NKAIN3: variants seen among roughly 807,000 people sequenced by gnomAD.
NKAIN3 encodes sodium/potassium transporting ATPase interacting 3, also known as sodium/potassium-transporting ATPase subunit beta-1-interacting protein 3.
NKAIN3 carries 25 observed loss-of-function variants against 30.2 expected under a neutral mutation model. That is an observed-to-expected ratio of 0.83 (90% CI 0.60 to 1.16). NKAIN3 has a LOEUF of 1.16. NKAIN3 is among the 50% of genes most tolerant of loss of function. NKAIN3 has a pLI of 0.00. For synonymous variants in NKAIN3, 91 were observed against 89.6 expected, an observed-to-expected ratio of 1.02 and a Z score of -0.09; for missense variants, 225 against 254.1, an observed-to-expected ratio of 0.89 and a Z score of 0.78.
At chr8:62,430,552 C>T (rs967590198) in intron 1 of NKAIN3, among the ~76,000 whole-genome samples, 2 of 151,740 alleles carry the variant, frequency 1.3e-5, no homozygotes, top group Non-Finnish European at 2.9e-5. Flanking sequence ...TTTGCATTCT[C>T]ACCAGTAGTG....
At chr8:62,447,710 C>T (rs1805526933) in intron 1 of NKAIN3, among the ~76,000 whole-genome samples, 1 of 152,034 alleles carries the variant, frequency 6.6e-6, no homozygotes, top group Non-Finnish European at 1.5e-5. Context: ...AGCAGAAATT[C>T]AGACATTCTG....
At chr8:62,841,471 C>T (rs768195819) in intron 4 of NKAIN3, among the ~76,000 whole-genome samples, 1 of 152,080 alleles carries the variant, frequency 6.6e-6, no homozygotes, top group Non-Finnish European at 1.5e-5. Flanking sequence ...TCTCACTCCT[C>T]CCCACCCAAG....
intron 4 of NKAIN3, among the ~76,000 whole-genome samples, chr8:62,805,341 C>G (rs1432368740): frequency 6.6e-6 from 1 of 151,686 alleles, no homozygotes; most frequent in African/African-American, 2.4e-5. Context: ...CCCGCATTGC[C>G]AAGTCAATCC....
intron 4 of NKAIN3, among the ~76,000 whole-genome samples, chr8:62,772,176 G>C (rs1817034613): frequency 6.6e-6 from 1 of 152,068 alleles, no homozygotes; most frequent in Admixed American, 6.5e-5. Flanking sequence ...GTCTTCCTGT[G>C]CCTGGCTTGT....
intron 1 of NKAIN3, among the ~76,000 whole-genome samples, chr8:62,288,476 G>C (rs925262114): frequency 2.6e-5 from 4 of 152,238 alleles, no homozygotes; most frequent in African/African-American, 9.6e-5. Context: ...CCACCTATGA[G>C]TGAGAACACG....
intron 1 of NKAIN3, among the ~76,000 whole-genome samples, chr8:62,265,478 AGTAAACATCTATAGACAC>A (rs1420709063): frequency 6.6e-6 from 1 of 152,248 alleles, no homozygotes; most frequent in Non-Finnish European, 1.5e-5. Context: ...AGCAGCTTTC[AGTAAACATCTATAGACAC>A]GTAATTGGTA....
chr8:62,950,404 C>T (rs77305175), intron 5 of NKAIN3, among the ~76,000 whole-genome samples: 2 of 152,176 alleles, frequency 1.3e-5, no homozygotes, highest in African/African-American at 4.8e-5. Context: ...AGACTCATTG[C>T]TCTATCCCAT....
At chr8:62,297,112 G>A (rs952273863) in intron 1 of NKAIN3, among the ~76,000 whole-genome samples, 3 of 151,694 alleles carry the variant, frequency 2.0e-5, no homozygotes, top group East Asian at 3.9e-4. Flanking sequence ...TATTCTTCAC[G>A]TGTCAGCCAT....
intron 1 of NKAIN3, among the ~76,000 whole-genome samples, chr8:62,541,764 A>G (rs1808847749): frequency 6.6e-6 from 1 of 152,096 alleles, no homozygotes; most frequent in African/African-American, 2.4e-5. Flanking sequence ...ATAGCATTAT[A>G]TCTTTGCTTT....
intron 1 of NKAIN3, among the ~76,000 whole-genome samples, chr8:62,422,150 A>T (rs559393204): frequency 6.6e-6 from 1 of 152,252 alleles, no homozygotes; most frequent in South Asian, 2.1e-4. Flanking sequence ...TTATTTTATG[A>T]CAATTAGTAA....
intron 1 of NKAIN3, among the ~76,000 whole-genome samples, chr8:62,424,134 C>T (rs185987957): frequency 7.2e-4 from 110 of 151,996 alleles, no homozygotes; most frequent in African/African-American, 2.4e-3. Flanking sequence ...GAAATCGGAC[C>T]ATTATCTTAC....
At chr8:62,556,752 A>G (rs1213118801) in intron 1 of NKAIN3, among the ~76,000 whole-genome samples, 2 of 151,986 alleles carry the variant, frequency 1.3e-5, no homozygotes, top group Non-Finnish European at 2.9e-5. Context: ...TTTTGAACTT[A>G]TATTAATCTA....
intron 4 of NKAIN3, among the ~76,000 whole-genome samples, chr8:62,859,508 T>TAACAAAAAAAAAAAAAAAAAAAAAAAA (rs1820173262): frequency 1.7e-5 from 1 of 60,442 alleles, no homozygotes; most frequent in Admixed American, 2.1e-4. Flanking sequence ...TTACTTCAAC[T>TAACAAAAAAAAAAAAAAAAAAAAAAAA]AAAAAAAAAA....
intron 1 of NKAIN3, among the ~76,000 whole-genome samples, chr8:62,559,626 A>G (rs1265902717): frequency 6.6e-6 from 1 of 151,970 alleles, no homozygotes; most frequent in African/African-American, 2.4e-5. Context: ...TACATATAAG[A>G]GTCTTTCAGT....
intron 3 of NKAIN3, among the ~76,000 whole-genome samples, chr8:62,741,425 AG>A (rs1563540847): frequency 7.9e-6 from 1 of 127,104 alleles, no homozygotes; most frequent in Non-Finnish European, 1.7e-5. Flanking sequence ...GAAGGAAGGC[AG>A]GCAAGCAAGC....
intron 1 of NKAIN3, among the ~76,000 whole-genome samples, chr8:62,572,926 C>A (rs1178887218): frequency 6.6e-6 from 1 of 152,126 alleles, no homozygotes; most frequent in Non-Finnish European, 1.5e-5. Context: ...AAGGCACTCC[C>A]ATTTGTCTCT....
intron 3 of NKAIN3, among the ~76,000 whole-genome samples, chr8:62,695,305 G>A (rs1039143232): frequency 6.6e-6 from 1 of 152,164 alleles, no homozygotes; most frequent in African/African-American, 2.4e-5. Context: ...CAATGGTTTA[G>A]TGACATTCAA....
intron 4 of NKAIN3, among the ~76,000 whole-genome samples, chr8:62,834,174 C>T (rs1479905927): frequency 6.6e-6 from 1 of 151,884 alleles, no homozygotes; most frequent in Non-Finnish European, 1.5e-5. Context: ...AAGAACATAC[C>T]TCAAAATAGT....
chr8:62,826,908 C>G (rs1819044171), intron 4 of NKAIN3, among the ~76,000 whole-genome samples: 1 of 152,144 alleles, frequency 6.6e-6, no homozygotes, highest in Non-Finnish European at 1.5e-5. Flanking sequence ...ACAATACCTA[C>G]TCTCAAAGTC....
Sources: gnomAD v4.1 joint callset for allele counts (sites outside exome capture counted in the v4.1 genomes callset) on GRCh38, gnomAD v4.1.1 for gene constraint, MANE v1.5 for transcripts, NCBI Gene and HGNC (gene_info 2026-07-23, HGNC 2026-07-21) for gene names.